Variants in KDM4B observed in about 807,000 individuals in gnomAD.
The protein encoded by KDM4B is lysine-specific demethylase 4B.
In KDM4B, 32 loss-of-function variants were observed where a neutral mutation model predicts 125.2. The observed-to-expected ratio is 0.26, with a 90% CI of 0.19 to 0.34. The LOEUF is 0.34. KDM4B is among the 10% of genes least tolerant of loss of function. The pLI, the probability that KDM4B is intolerant of heterozygous loss-of-function variation, is 1.00. For synonymous variants in KDM4B, 721 were observed against 677.9 expected, an observed-to-expected ratio of 1.06 and a Z score of -0.99; for missense variants, 1,190 against 1,577.7, an observed-to-expected ratio of 0.75 and a Z score of 4.16.
At chr19:5,132,710 C>T (rs908763583) in intron 13 of KDM4B, among the ~76,000 whole-genome samples, 2 of 145,578 alleles carry the variant, frequency 1.4e-5, no homozygotes, top group Admixed American at 1.4e-4. Context: ...CTGGGGCCTC[C>T]GTGGACTCCC....
At chr19:4,990,901 A>G (rs192241414) in intron 1 of KDM4B, among the ~76,000 whole-genome samples, 1 of 152,234 alleles carries the variant, frequency 6.6e-6, no homozygotes, top group African/African-American at 2.4e-5. Flanking sequence ...TGGGCGGACC[A>G]CCTGAGATCA....
chr19:5,127,366 G>A (rs2039467237), intron 11 of KDM4B, among the ~76,000 whole-genome samples: 1 of 152,210 alleles, frequency 6.6e-6, no homozygotes, highest in Non-Finnish European at 1.5e-5. Flanking sequence ...CTTTCAGGGT[G>A]TCCTTCCTAG....
rs766990544 is a variant in KDM4B, at chr19:5,138,001, G to A, written c.2481G>A (p.Ala827=). The A allele has an allele frequency of 2.2e-5, 35 of 1,612,564 alleles. 1 individual carries two copies. The highest frequency in any genetic ancestry group is 5.3e-5 in the African/African-American group (4 of 74,908). ...TCTGTGCCATCGCAGTCCCCGAGGCGCGCTTCCTGAACGTGATTGAGCGCC... is the reference window on the plus strand; with the variant it reads ...TCTGTGCCATCGCAGTCCCCGAGGCACGCTTCCTGAACGTGATTGAGCGCC... ...HVICAIAVPE[A]RFLNVIERHP... is the part of the protein sequence containing the mutation. Residue 827 remains alanine (A), a synonymous_variant, in exon 18 of 23, where the codon GCG becomes GCA. Transcript: ENST00000159111.
chr19:4,980,985 G>C (rs535287942), intron 1 of KDM4B, among the ~76,000 whole-genome samples: 1 of 152,158 alleles, frequency 6.6e-6, no homozygotes, highest in Non-Finnish European at 1.5e-5. Context: ...GCTGGGCTGC[G>C]GCTAGGCTTT....
chr19:5,104,619 C>T (rs2039001021), intron 9 of KDM4B, among the ~76,000 whole-genome samples: 1 of 152,014 alleles, frequency 6.6e-6, no homozygotes, highest in South Asian at 2.1e-4. Flanking sequence ...GGGGTTTTGT[C>T]TGGGAACGCC....
intron 6 of KDM4B, among the ~76,000 whole-genome samples, chr19:5,054,086 CTTTA>C (rs1456153348): frequency 1.3e-5 from 2 of 152,184 alleles, no homozygotes; most frequent in Non-Finnish European, 2.9e-5. Context: ...GCTCTCCTAG[CTTTA>C]TTTATTTTAT....
chr19:4,977,078 C>A (rs902836200), intron 1 of KDM4B, among the ~76,000 whole-genome samples: 3 of 151,904 alleles, frequency 2.0e-5, no homozygotes, highest in African/African-American at 4.8e-5. Flanking sequence ...TCTCTCCCTG[C>A]TTCTCTGGCT....
intron 9 of KDM4B, among the ~76,000 whole-genome samples, chr19:5,098,151 C>T (rs900258945): frequency 6.6e-5 from 10 of 152,332 alleles, no homozygotes; most frequent in African/African-American, 1.9e-4. Flanking sequence ...GCCTCCGTGG[C>T]AGCCTCCATG....
In KDM4B at chr19:5,055,025, G is replaced by A. The variant is rs1202771094; in HGVS notation, c.626+7356G>A. Among the ~76,000 whole-genome samples, 3 of 152,234 alleles carry A rather than the reference G, an allele frequency of 2.0e-5. No homozygotes were observed. In the East Asian group the frequency reaches 5.8e-4, roughly 29 times the overall value. On this transcript the variant is annotated intron_variant, in intron 6 of 22. Coordinates refer to ENST00000159111, the MANE Select transcript of KDM4B (RefSeq NM_015015.3). ...ACACTGGGGCGTCCACAGCGAGGCT[G>A]GGATTGCATCTCTGCGCCTGGCGTG...
chr19:5,128,889 G>A (rs1388761961), intron 11 of KDM4B, among the ~76,000 whole-genome samples: 1 of 150,964 alleles, frequency 6.6e-6, no homozygotes, highest in African/African-American at 2.4e-5. Context: ...ACAGCGGGGG[G>A]CCCGGATACC....
At chr19:5,045,967 T>C (rs1387577827) in intron 5 of KDM4B, among the ~76,000 whole-genome samples, 1 of 152,220 alleles carries the variant, frequency 6.6e-6, no homozygotes, top group Non-Finnish European at 1.5e-5. Flanking sequence ...TTTGAGAGTT[T>C]GCTGTGTATT....
intron 9 of KDM4B, among the ~76,000 whole-genome samples, chr19:5,085,093 T>G (rs899552341): frequency 6.6e-6 from 1 of 152,218 alleles, no homozygotes; most frequent in Non-Finnish European, 1.5e-5. Context: ...CACGCCGGTC[T>G]GGACGAATGA....
intron 10 of KDM4B, chr19:5,113,903 G>A (rs551592834): frequency 1.2e-5 from 15 of 1,201,984 alleles, no homozygotes; most frequent in Middle Eastern, 2.7e-4. Flanking sequence ...CATGGGGTGC[G>A]GATGGTTCGG....
At chr19:5,136,353 G>T (rs2039648326) in intron 15 of KDM4B, among the ~76,000 whole-genome samples, 1 of 152,214 alleles carries the variant, frequency 6.6e-6, no homozygotes, top group South Asian at 2.1e-4. Flanking sequence ...ACGCACGGGG[G>T]GGCGGTGGCA....
chr19:5,141,781 C>A lies in KDM4B; in HGVS notation c.2551-2186C>A, dbSNP rs779424420. Among the ~76,000 whole-genome samples, 1 of 152,170 alleles carries A rather than the reference C, an allele frequency of 6.6e-6. No individual in the cohort carries two copies. The highest frequency in any genetic ancestry group is 1.5e-5 in the Non-Finnish European group (1 of 68,028). On this transcript the variant is annotated intron_variant, in intron 18 of 22. Transcript: ENST00000159111. The surrounding 1 kb of genome is among the most constrained non-coding windows in gnomAD (Gnocchi z 6.4). The stretch of plus-strand genomic sequence containing the variant: ...TGCTGCTGAGAAGCTTCTCACCTAC[C>A]GGCTGGGCAGGTTCCTGGCAGCAGG...
At chr19:5,065,921 C>G (rs1430177634) in intron 6 of KDM4B, among the ~76,000 whole-genome samples, 3 of 152,228 alleles carry the variant, frequency 2.0e-5, no homozygotes, top group Non-Finnish European at 4.4e-5. Context: ...AGCCCAGACT[C>G]AGGCCTGGTC....
chr19:5,112,034 C>A, intron 10 of KDM4B: 1 of 556,942 alleles, frequency 1.8e-6, no homozygotes, highest in East Asian at 3.0e-5. Flanking sequence ...AGGAGGATTG[C>A]TTGAGTCCAG....
chr19:4,990,676 G>A (rs764813522), intron 1 of KDM4B, among the ~76,000 whole-genome samples: 19 of 152,164 alleles, frequency 1.2e-4, no homozygotes, highest in Non-Finnish European at 2.5e-4. Flanking sequence ...AGTTCTGGTC[G>A]CCTCTCCGGC....
intron 1 of KDM4B, among the ~76,000 whole-genome samples, chr19:5,010,300 A>T (rs1265364204): frequency 6.6e-6 from 1 of 152,214 alleles, no homozygotes; most frequent in African/African-American, 2.4e-5. Flanking sequence ...CATAGGGCTC[A>T]TGCTGCTCCT....
Sources: allele counts gnomAD v4.1 joint callset (sites outside exome capture counted in the v4.1 genomes callset), GRCh38; gene constraint gnomAD v4.1.1; non-coding constraint Gnocchi (gnomAD v3.1); transcripts MANE v1.5; gene names NCBI Gene and HGNC (gene_info 2026-07-23, HGNC 2026-07-21).